Variants in DNAAF9 observed in about 807,000 individuals in gnomAD.
DNAAF9 encodes the protein shulin.
In DNAAF9, 90 loss-of-function variants were observed where a neutral mutation model predicts 167.0. That is an observed-to-expected ratio of 0.54 (90% CI 0.45 to 0.64). The LOEUF (loss-of-function observed/expected upper bound fraction) is 0.64, where lower values mean the gene tolerates loss of function less well. DNAAF9 is among the 30% of genes least tolerant of loss of function. The pLI is 0.00. For synonymous variants in DNAAF9, 491 were observed against 508.8 expected (o/e 0.96, Z 0.47); for missense variants, 1,315 against 1,442.2 (o/e 0.91, Z 1.43).
chr20:3,348,628 G>T lies in DNAAF9; in HGVS notation c.691-5C>A. On this transcript the variant is annotated splice_polypyrimidine_tract_variant and splice_region_variant and intron_variant, in intron 7 of 36. Coordinates refer to ENST00000252032, the MANE Select transcript of DNAAF9 (RefSeq NM_001009984.3). ...ATGTTCAAAAGCCACCAAATCCTGG[G>T]AAAAAAAGGAAAAAGATAACGTGTT... 1 of 1,556,432 alleles carries T rather than the reference G, an allele frequency of 6.4e-7. No homozygotes were observed. Among genetic ancestry groups the T allele is most frequent in the South Asian group, 1.2e-5 (1 of 85,556 alleles).
intron 10 of DNAAF9, among the ~76,000 whole-genome samples, chr20:3,339,541 C>T (rs879830537): frequency 7.2e-5 from 11 of 152,106 alleles, no homozygotes; most frequent in Non-Finnish European, 1.5e-4. Context: ...CTTTGGGTTC[C>T]CTGTGAACTC....
chr20:3,329,793 G>A (rs554823996), intron 12 of DNAAF9, among the ~76,000 whole-genome samples: 1 of 152,288 alleles, frequency 6.6e-6, no homozygotes, highest in Admixed American at 6.5e-5. Flanking sequence ...TATTGCTGAA[G>A]GACAATGCTT....
intron 16 of DNAAF9, among the ~76,000 whole-genome samples, chr20:3,321,855 A>G (rs1041471805): frequency 2.0e-5 from 3 of 152,196 alleles, no homozygotes; most frequent in African/African-American, 7.2e-5. Context: ...CCACTGAAAA[A>G]CTTAGTCTGT....
chr20:3,259,937 C>T lies in DNAAF9; in HGVS notation c.2965G>A (p.Val989Met). ...CAAGGCTTACCTTTACATTTGGCCA[C>T]AAAGCGAGTCTTCTCCAAGGGACGG... is the stretch of plus-strand genomic sequence containing the variant. ...FGRPLEKTRFVAKCKAIQSSI... is the reference protein window; with the variant it reads ...FGRPLEKTRFMAKCKAIQSSI... Residue 989 changes from valine to methionine, a missense_variant, in exon 32 of 37, where the codon GTG becomes ATG. By Grantham distance (21) the Val-to-Met change is conservative (BLOSUM62 1). This residue lies in a region of DNAAF9 where 334 missense variants were observed against 429.7 expected (regional missense o/e 0.78). Transcript: ENST00000252032. The T allele has an allele frequency of 1.9e-6, 3 of 1,605,452 alleles. No homozygotes were observed. Among genetic ancestry groups the T allele is most frequent in the Non-Finnish European group, 2.6e-6 (3 of 1,171,984 alleles).
intron 1 of DNAAF9, among the ~76,000 whole-genome samples, chr20:3,395,349 C>A (rs1004045878): frequency 6.6e-6 from 1 of 151,646 alleles, no homozygotes; most frequent in African/African-American, 2.4e-5. Flanking sequence ...GGTGCAATCT[C>A]AGCTCACTGC....
chr20:3,265,112 G>C (rs2068465090), intron 30 of DNAAF9, among the ~76,000 whole-genome samples: 1 of 152,038 alleles, frequency 6.6e-6, no homozygotes, highest in African/African-American at 2.4e-5. Context: ...TAGAAATGCA[G>C]AACCTCAGCC....
intron 3 of DNAAF9, among the ~76,000 whole-genome samples, chr20:3,376,888 C>A (rs1600887881): frequency 6.6e-6 from 1 of 152,132 alleles, no homozygotes; most frequent in East Asian, 1.9e-4. Flanking sequence ...CATGGTGAAA[C>A]CCCGTCTCTA....
At chr20:3,340,294 T>C (rs927996414) in intron 10 of DNAAF9, among the ~76,000 whole-genome samples, 16 of 146,394 alleles carry the variant, frequency 1.1e-4, no homozygotes, top group Middle Eastern at 3.4e-3. Flanking sequence ...CAAAATTAAA[T>C]GTGATGCTTT....
intron 29 of DNAAF9, among the ~76,000 whole-genome samples, chr20:3,274,491 T>G (rs566133623): frequency 5.9e-5 from 9 of 152,316 alleles, no homozygotes; most frequent in Admixed American, 4.6e-4. Flanking sequence ...GCTACCATAA[T>G]GTAAAGACTA....
intron 18 of DNAAF9, among the ~76,000 whole-genome samples, chr20:3,316,439 C>T (rs1323768787): frequency 6.6e-6 from 1 of 152,196 alleles, no homozygotes; most frequent in Admixed American, 6.5e-5. Flanking sequence ...AGCTCAGTTT[C>T]CTCATTTGTA....
At chr20:3,355,545 G>GC (rs35433906) in intron 7 of DNAAF9, among the ~76,000 whole-genome samples, 61,041 of 151,176 alleles carry the variant, frequency 0.4, 12,474 homozygotes, top group Middle Eastern at 0.54. Context: ...CTGCACTCCA[G>GC]CCTGGGTGAC....
intron 11 of DNAAF9, among the ~76,000 whole-genome samples, chr20:3,331,089 C>T (rs2069820537): frequency 6.6e-6 from 1 of 152,076 alleles, no homozygotes; most frequent in Non-Finnish European, 1.5e-5. Context: ...CCATGCCCAG[C>T]CTACTTTTTT....
intron 10 of DNAAF9, among the ~76,000 whole-genome samples, chr20:3,339,569 G>C (rs2070037464): frequency 1.3e-5 from 2 of 152,136 alleles, no homozygotes; most frequent in African/African-American, 4.8e-5. Flanking sequence ...GATGTACCTT[G>C]CAGCTCTGTC....
At chr20:3,305,276 T>G (rs777701566) in intron 20 of DNAAF9, among the ~76,000 whole-genome samples, 1 of 152,198 alleles carries the variant, frequency 6.6e-6, no homozygotes, top group Non-Finnish European at 1.5e-5. Flanking sequence ...GGGCCTGGGC[T>G]TGCTTTGGAG....
At chr20:3,372,816 A>C (rs1321917120) in intron 6 of DNAAF9, among the ~76,000 whole-genome samples, 1 of 150,130 alleles carries the variant, frequency 6.7e-6, no homozygotes, top group Admixed American at 6.6e-5. Context: ...GAGGGTTACT[A>C]TAAGAATGAA....
intron 12 of DNAAF9, among the ~76,000 whole-genome samples, chr20:3,327,344 A>G (rs1356462111): frequency 6.6e-6 from 1 of 152,014 alleles, no homozygotes; most frequent in Non-Finnish European, 1.5e-5. Context: ...ATTTCTCCAG[A>G]CCCTGCCAAA....
intron 21 of DNAAF9, among the ~76,000 whole-genome samples, chr20:3,300,845 T>C (rs2069172824): frequency 7.1e-6 from 1 of 141,488 alleles, no homozygotes; most frequent in Admixed American, 7.1e-5. Flanking sequence ...CATCCAGCCC[T>C]GGAATTGTTT....
At position 3,278,531 on chromosome 20, in the gene DNAAF9, C is replaced by A. The variant is rs555798553; in HGVS notation, c.2650+381G>T. ...GTCAGGAGTTCAAGACCAGCCTGGCCAACATGGTGAAACCCCATCTCTACT... is the reference window on the plus strand; with the variant it reads ...GTCAGGAGTTCAAGACCAGCCTGGCAAACATGGTGAAACCCCATCTCTACT... On this transcript the variant is annotated intron_variant, in intron 29 of 36. Transcript: ENST00000252032. Among the ~76,000 whole-genome samples the A allele has an allele frequency of 9.2e-5, 14 of 152,188 alleles. No homozygotes were observed. The East Asian group carries it at 2.7e-3, about 29-fold the overall frequency.
intron 21 of DNAAF9, among the ~76,000 whole-genome samples, chr20:3,303,582 G>A (rs904003055): frequency 2.6e-5 from 4 of 152,190 alleles, no homozygotes; most frequent in Admixed American, 6.5e-5. Context: ...TGTCCAATTG[G>A]TCTGCCTACA....
Sources: gnomAD v4.1 joint callset for allele counts (sites outside exome capture counted in the v4.1 genomes callset) on GRCh38, gnomAD v4.1.1 for gene constraint, gnomAD v4.1.1 regional missense constraint, MANE v1.5 for transcripts, NCBI Gene and HGNC (gene_info 2026-07-23, HGNC 2026-07-21) for gene names.